UBAC2: variants seen among roughly 807,000 people sequenced by gnomAD.
UBAC2 encodes UBA domain containing 2.
A neutral mutation model predicts 44.0 loss-of-function variants in UBAC2; 26 were observed. That is an observed-to-expected ratio of 0.59 (90% CI 0.43 to 0.82). The LOEUF (loss-of-function observed/expected upper bound fraction) is 0.82, where lower values mean the gene tolerates loss of function less well. Ranked by LOEUF, UBAC2 falls within the 40% of genes least tolerant of loss-of-function variation. The pLI, the probability that UBAC2 is intolerant of heterozygous loss-of-function variation, is 0.00. For synonymous variants in UBAC2, 155 were observed against 154.3 expected (o/e 1.00, Z -0.04); for missense variants, 329 against 419.4 (o/e 0.78, Z 1.88).
intron 1 of UBAC2, among the ~76,000 whole-genome samples, chr13:99,234,748 G>A (rs943506938): frequency 1.8e-4 from 28 of 152,170 alleles, no homozygotes; most frequent in Non-Finnish European, 1.6e-4. Flanking sequence ...GAGAGAGGAA[G>A]GCATGAAAAC....
At position 99,340,492 on chromosome 13, in the gene UBAC2, A is replaced by T. The variant is rs2044869335; in HGVS notation, c.734A>T (p.Gln245Leu). 5 of 1,614,118 alleles carry T rather than the reference A, an allele frequency of 3.1e-6. No individual in the cohort carries two copies. Among genetic ancestry groups the T allele is most frequent in the Non-Finnish European group, 4.2e-6 (5 of 1,180,044 alleles). ...MGATLDIQRQ[Q>L]RMELLDRQLM... Reference sequence around the variant, plus strand: ...GCCACGCTGGACATCCAGAGACAGCAGAGAATGGAGCTGCTGGACCGGCAG... The same window carrying T: ...GCCACGCTGGACATCCAGAGACAGCTGAGAATGGAGCTGCTGGACCGGCAG... The change falls in exon 7 of 9, where the codon CAG becomes CTG. Residue 245 changes from glutamine to leucine, a missense_variant. Physicochemically the swap from Gln to Leu is moderately radical, Grantham distance 113 (BLOSUM62 -2). Transcript: ENST00000403766.
At chr13:99,252,728 A>G (rs2142757265) in intron 4 of UBAC2, among the ~76,000 whole-genome samples, 1 of 152,310 alleles carries the variant, frequency 6.6e-6, no homozygotes, top group Non-Finnish European at 1.5e-5. Flanking sequence ...GTTTAAATGT[A>G]TTTGGTTATA....
rs1340934668 is a variant in UBAC2 at position 99,296,112 on chromosome 13, G to A, written c.390-17985G>A. The A allele has an allele frequency of 1.2e-6, 2 of 1,607,204 alleles. No individual in the cohort carries two copies. Among genetic ancestry groups the A allele is most frequent in the Admixed American group, 1.7e-5 (1 of 59,422 alleles). ...TCATTTCCCTGAGGAGTTGCAGAGG[G>A]CGGAGTAAAATTGTTTGCCATTTGT... On this transcript the variant is annotated intron_variant, in intron 4 of 8. Transcript: ENST00000403766.
At chr13:99,376,659 C>T (rs2045483688) in intron 8 of UBAC2, among the ~76,000 whole-genome samples, 2 of 152,168 alleles carry the variant, frequency 1.3e-5, no homozygotes, top group South Asian at 2.1e-4. Context: ...ATGTGGAAGA[C>T]AGGAAAGCAA....
At chr13:99,262,438 C>T (rs1053204573) in intron 4 of UBAC2, among the ~76,000 whole-genome samples, 4 of 152,256 alleles carry the variant, frequency 2.6e-5, no homozygotes, top group Non-Finnish European at 2.9e-5. Context: ...CACGGTGGCT[C>T]ATGCCTGTAA....
intron 4 of UBAC2, among the ~76,000 whole-genome samples, chr13:99,285,846 A>T (rs72648099): frequency 0.091 from 13,775 of 152,200 alleles, 672 homozygotes; most frequent in East Asian, 0.13. Flanking sequence ...TCTTGAATTC[A>T]GTATGAGCCA....
At chr13:99,333,354 T>C (rs1448767906) in intron 6 of UBAC2, among the ~76,000 whole-genome samples, 3 of 152,234 alleles carry the variant, frequency 2.0e-5, no homozygotes, top group Non-Finnish European at 4.4e-5. Context: ...GCCAGTGACA[T>C]GGACAAGTGA....
chr13:99,268,401 C>T (rs1176746322), intron 4 of UBAC2, among the ~76,000 whole-genome samples: 1 of 151,864 alleles, frequency 6.6e-6, no homozygotes. Context: ...TCGTTTGAGT[C>T]CTGGAGACCA....
At chr13:99,366,804 A>G (rs957042506) in intron 7 of UBAC2, among the ~76,000 whole-genome samples, 1 of 152,172 alleles carries the variant, frequency 6.6e-6, no homozygotes, top group Non-Finnish European at 1.5e-5. Flanking sequence ...CCCGTCTCCC[A>G]GGCTGCTCAC....
chr13:99,216,546 G>C (rs1413653098), intron 1 of UBAC2, among the ~76,000 whole-genome samples: 1 of 152,178 alleles, frequency 6.6e-6, no homozygotes, highest in Non-Finnish European at 1.5e-5. Flanking sequence ...AACAGGATCA[G>C]GGCAGGCAGA....
chr13:99,384,996 G>A (rs1035254074), intron 8 of UBAC2, among the ~76,000 whole-genome samples: 2 of 152,258 alleles, frequency 1.3e-5, no homozygotes, highest in African/African-American at 4.8e-5. Context: ...GTCCTTGTCT[G>A]TAGAATGAGG....
At chr13:99,208,281 G>A (rs1256661184) in intron 1 of UBAC2, among the ~76,000 whole-genome samples, 2 of 152,194 alleles carry the variant, frequency 1.3e-5, no homozygotes, top group Admixed American at 6.5e-5. Flanking sequence ...ACAGGCATGA[G>A]CCACCATGCC....
chr13:99,347,453 G>C (rs968414079), intron 7 of UBAC2, among the ~76,000 whole-genome samples: 12 of 152,028 alleles, frequency 7.9e-5, no homozygotes, highest in Admixed American at 7.9e-4. Context: ...TGCATGAGCT[G>C]GAAGTGGGGG....
At chr13:99,299,095 A>G (rs1011171380) in intron 4 of UBAC2, among the ~76,000 whole-genome samples, 3 of 152,206 alleles carry the variant, frequency 2.0e-5, no homozygotes, top group Admixed American at 6.5e-5. Context: ...TAGGAAAGTA[A>G]CACTTATGTG....
intron 1 of UBAC2, among the ~76,000 whole-genome samples, chr13:99,217,031 A>T (rs1329061425): frequency 6.6e-6 from 1 of 151,978 alleles, no homozygotes; most frequent in Non-Finnish European, 1.5e-5. Context: ...GGGTTTCACC[A>T]TGTTGGCCAG....
At chr13:99,372,504 G>C (rs574162712) in intron 8 of UBAC2, 5 of 152,462 alleles carry the variant, frequency 3.3e-5, no homozygotes, top group Admixed American at 3.3e-4. Flanking sequence ...CCCTGGGATT[G>C]CTTTTGGAGA....
At chr13:99,344,046 G>A (rs895415068) in intron 7 of UBAC2, among the ~76,000 whole-genome samples, 2 of 152,224 alleles carry the variant, frequency 1.3e-5, no homozygotes, top group Non-Finnish European at 1.5e-5. Context: ...CTCTCTTGCA[G>A]AATTAGCATG....
chr13:99,272,227 CA>C (rs1376034907), intron 4 of UBAC2, among the ~76,000 whole-genome samples: 1 of 152,108 alleles, frequency 6.6e-6, no homozygotes, highest in East Asian at 1.9e-4. Context: ...GCCACTAAAG[CA>C]GCCCATATTT....
Position 99,352,791 on chromosome 13 carries a change from T to A in UBAC2, c.807+12226T>A, listed in dbSNP as rs146785681. On this transcript the variant is annotated intron_variant, in intron 7 of 8. Transcript: ENST00000403766. The stretch of plus-strand genomic sequence containing the variant: ...CGTCAGTTACAGTGAAATGTGATGG[T>A]CACTCTTCTGGGAGAAATGTGTAGT... 2.8e-4 allele frequency among the ~76,000 whole-genome samples: 39 copies of A among 139,654 alleles called. 1 individual carries two copies. The highest frequency in any genetic ancestry group is 9.2e-4 in the African/African-American group (38 of 41,246). The allele number at this position is 139,654 out of a possible 152,430, so 91.6% of individuals were successfully genotyped here.
Sources: allele counts gnomAD v4.1 joint callset (sites outside exome capture counted in the v4.1 genomes callset), GRCh38; gene constraint gnomAD v4.1.1; transcripts MANE v1.5; gene names NCBI Gene and HGNC (gene_info 2026-07-23, HGNC 2026-07-21).